LTBP3: variants seen among roughly 807,000 people sequenced by gnomAD.
LTBP3 encodes the protein latent transforming growth factor beta binding protein 3.
A neutral mutation model predicts 159.7 loss-of-function variants in LTBP3; 97 were observed. The ratio of observed to expected loss-of-function variants is 0.61; its 90% CI spans 0.52 to 0.72. LTBP3 has a LOEUF of 0.72. Among genes scored for constraint, LTBP3 ranks in the 30% least tolerant of loss-of-function variants. The probability of loss-of-function intolerance (pLI) is 0.00; values close to 1 mark genes in which losing one functional copy is unlikely to be tolerated. For missense variants in LTBP3, 1,584 were observed against 1,864.3 expected, an observed-to-expected ratio of 0.85 and a Z score of 2.77; for synonymous variants, 824 against 777.1, an observed-to-expected ratio of 1.06 and a Z score of -1.00.
chr11:65,552,512 C>T lies in LTBP3; in HGVS notation c.1187-106G>A. On this transcript the variant is annotated intron_variant, in intron 6 of 27. Transcript: ENST00000301873. This position sits in a 1 kb window ranked among gnomAD's most constrained non-coding sequence, Gnocchi z 6.0. ...CTCTCCGGCCCAGACAACCCTTGATCCCCCATGTGGTCTCTGACCCCATAT... is the reference window on the plus strand; with the variant it reads ...CTCTCCGGCCCAGACAACCCTTGATTCCCCATGTGGTCTCTGACCCCATAT... 2 of 1,414,914 alleles carry T rather than the reference C, an allele frequency of 1.4e-6. No individual in the cohort carries two copies. The highest frequency in any genetic ancestry group is 1.9e-6 in the Non-Finnish European group (2 of 1,029,940). The allele number at this position is 1,414,914 out of a possible 1,614,324, so 87.6% of individuals were successfully genotyped here.
At position 65,538,885 on chromosome 11, in the gene LTBP3, G is replaced by C. The variant is rs11545201; in HGVS notation, c.*195C>G. On this transcript the variant is annotated 3_prime_UTR_variant, in exon 28 of 28. Transcript: ENST00000301873. ...TCTGGGAGGAAGGCAGGCAGCGCCC[G>C]CCGGAGACCTTACAACCGCCCGCTA... The C allele has an allele frequency of 3.7e-6, 4 of 1,074,322 alleles. No individual in the cohort carries two copies. The highest frequency in any genetic ancestry group is 4.9e-6 in the Non-Finnish European group (4 of 809,210). The allele number at this position is 1,074,322 out of a possible 1,614,324, so 66.5% of individuals were successfully genotyped here. A position where few individuals can be genotyped will look rare whatever the true frequency, so the allele number is the denominator to read the frequency against.
At chr11:65,550,760 G>A (rs1165823681) in intron 11 of LTBP3, among the ~76,000 whole-genome samples, 1 of 151,398 alleles carries the variant, frequency 6.6e-6, no homozygotes, top group Non-Finnish European at 1.5e-5. Context: ...GGAGGCGGAG[G>A]CTGCGGTGAG....
In LTBP3 at chr11:65,538,637, AGCCCGGCCG is replaced by A; in HGVS notation, c.*434_*442del. The A allele has an allele frequency of 6.6e-7, 1 of 1,517,618 alleles. No individual in the cohort carries two copies. Among genetic ancestry groups the A allele is most frequent in the South Asian group, 1.2e-5 (1 of 80,024 alleles). The allele number at this position is 1,517,618 out of a possible 1,614,324, so 94.0% of individuals were successfully genotyped here. A position where few individuals can be genotyped will look rare whatever the true frequency, so the allele number is the denominator to read the frequency against. On this transcript the variant is annotated 3_prime_UTR_variant, in exon 28 of 28. Transcript: ENST00000301873. Reference sequence around the variant, plus strand: ...ATGTATTTATTGTACAAACCATGTGAGCCCGGCCGGCCCAGCCAGGCCATCTCACGTGTA... The same window carrying A: ...ATGTATTTATTGTACAAACCATGTGAGCCCAGCCAGGCCATCTCACGTGTA...
chr11:65,541,828 GGTTT>G, intron 18 of LTBP3, 100 bp from the exon 19 acceptor site: 3 of 1,418,066 alleles, frequency 2.1e-6, no homozygotes, highest in Non-Finnish European at 2.9e-6. Flanking sequence ...TTTCCACTTT[GGTTT>G]CAAAGTATGT....
chr11:65,556,679 C>T (rs1010084896), intron 1 of LTBP3, among the ~76,000 whole-genome samples: 5 of 152,256 alleles, frequency 3.3e-5, no homozygotes, highest in African/African-American at 7.2e-5. Flanking sequence ...CACAGACACA[C>T]GCACGCACAC....
intron 18 of LTBP3, chr11:65,541,963 G>A (rs2135127106): frequency 1.9e-6 from 1 of 513,750 alleles, no homozygotes; most frequent in Admixed American, 3.0e-5. Flanking sequence ...AGTATCAGAA[G>A]CCCAAATGGA....
Position 65,543,166 on chromosome 11 carries a change from A to T in LTBP3, c.2535T>A (p.Asn845Lys). ...ACIGGDCINT[N>K]GSYRCLCPQG... ...GGGGGCAAAGACATCTGTAGGAGCCATTGGTATTGATGCAGTCACCCCCAA... is the reference window on the plus strand; with the variant it reads ...GGGGGCAAAGACATCTGTAGGAGCCTTTGGTATTGATGCAGTCACCCCCAA... The change falls in exon 18 of 28, where the codon AAT becomes AAA. Residue 845 changes from asparagine (N) to lysine (K), a missense_variant. By Grantham distance (94) the Asn-to-Lys change is moderately conservative (BLOSUM62 0). Transcript: ENST00000301873. The T allele has an allele frequency of 6.2e-7, 1 of 1,614,150 alleles. No homozygotes were observed. The highest frequency in any genetic ancestry group is 8.5e-7 in the Non-Finnish European group (1 of 1,180,000).
chr11:65,542,768 A>C (rs944805439), intron 18 of LTBP3: 1 of 358,512 alleles, frequency 2.8e-6, no homozygotes, highest in Admixed American at 4.0e-5. Context: ...ATACATTAAT[A>C]TCTGTAAAGA....
In LTBP3 at chr11:65,538,645, C is replaced by A. The variant is rs1284587171; in HGVS notation, c.*435G>T. 6.7e-7 allele frequency: 1 copy of A among 1,488,076 alleles called. No homozygotes were observed. The highest frequency in any genetic ancestry group is 9.0e-7 in the Non-Finnish European group (1 of 1,109,638). 92.2% of individuals were successfully genotyped at this position (1,488,076 alleles called of 1,614,324 possible). ...ATTGTACAAACCATGTGAGCCCGGC[C>A]GGCCCAGCCAGGCCATCTCACGTGT... is the stretch of plus-strand genomic sequence containing the variant. On this transcript the variant is annotated 3_prime_UTR_variant, in exon 28 of 28. Coordinates refer to ENST00000301873, the MANE Select transcript of LTBP3 (RefSeq NM_001130144.3).
intron 18 of LTBP3, chr11:65,542,738 T>G: frequency 6.0e-6 from 2 of 333,500 alleles, no homozygotes; most frequent in East Asian, 8.2e-5. Flanking sequence ...TGTGTATGGG[T>G]GAGTTGATGG....
chr11:65,542,778 A>G (rs1308785942), intron 18 of LTBP3: 7 of 371,774 alleles, frequency 1.9e-5, no homozygotes, highest in Non-Finnish European at 3.7e-5. Flanking sequence ...ATCTGTAAAG[A>G]GCTTAACAGA....
In LTBP3 at chr11:65,558,161, TTC is replaced by T; in HGVS notation, c.-204_-203del. ...ACTGGACAGCGGGGAGCGCAGAAAC[TTC>T]CCAGCCCCAGGACGAAGCCCAGACC... On this transcript the variant is annotated 5_prime_UTR_variant, in exon 1 of 28. Coordinates refer to ENST00000301873, the MANE Select transcript of LTBP3 (RefSeq NM_001130144.3). 9.4e-7 allele frequency: 1 copy of T among 1,067,860 alleles called. No individual in the cohort carries two copies. 66.1% of individuals were successfully genotyped at this position (1,067,860 alleles called of 1,614,324 possible).
At chr11:65,540,638 G>A in intron 21 of LTBP3, 24 bp from the exon 22 acceptor site, 9 of 1,596,226 alleles carry the variant, frequency 5.6e-6, no homozygotes, top group Non-Finnish European at 7.7e-6. Flanking sequence ...AACACTGGCC[G>A]CTCCGGTCCC....
In LTBP3 at chr11:65,541,437, G is replaced by A. The variant is rs1856132998; in HGVS notation, c.2726-144C>T. ...GAGTTGGCTCTGTTCTCAACGTGGT[G>A]TTCTGGACCCTTCATCGTCTGGCCC... On this transcript the variant is annotated intron_variant, in intron 19 of 27. Coordinates refer to ENST00000301873, the MANE Select transcript of LTBP3 (RefSeq NM_001130144.3). The A allele has an allele frequency of 2.8e-6, 4 of 1,415,764 alleles. No individual in the cohort carries two copies. The Admixed American group carries it at 7.0e-5, about 25-fold the overall frequency. The allele number at this position is 1,415,764 out of a possible 1,614,324, so 87.7% of individuals were successfully genotyped here.
chr11:65,541,857 G>T, intron 18 of LTBP3, 129 bp from the exon 19 acceptor site: 1 of 1,072,944 alleles, frequency 9.3e-7, no homozygotes, highest in Non-Finnish European at 1.4e-6. Flanking sequence ...CAGGAAGTCT[G>T]CTGTGTCTGT....
At position 65,553,013 on chromosome 11, in the gene LTBP3, T is replaced by G; in HGVS notation, c.1064-31A>C. 1 of 1,613,992 alleles carries G rather than the reference T, an allele frequency of 6.2e-7. No individual in the cohort carries two copies. Among genetic ancestry groups the G allele is most frequent in the Non-Finnish European group, 8.5e-7 (1 of 1,179,892 alleles). ...GTAAGTGGAAGTTTGGCCCCTCTGG[T>G]CTGGGGCCATGGGGTGACAGCAGGC... On this transcript the variant is annotated intron_variant, in intron 5 of 27. Coordinates refer to ENST00000301873, the MANE Select transcript of LTBP3 (RefSeq NM_001130144.3). This position sits in a 1 kb window ranked among gnomAD's most constrained non-coding sequence, Gnocchi z 6.5.
chr11:65,557,663 G>C lies in LTBP3; in HGVS notation c.297C>G (p.Ser99Arg), dbSNP rs1156691899. The C allele has an allele frequency of 6.2e-7, 1 of 1,611,058 alleles. No individual in the cohort carries two copies. Among genetic ancestry groups the C allele is most frequent in the South Asian group, 1.1e-5 (1 of 91,088 alleles). ...AGCCGGAGCCCGTGAGCGTGTCTGT[G>C]CTGTGGCCGTTCTCTCCGATGAGCG... ...NMTLIGENGH[S>R]TDTLTGSGFR... Residue 99 changes from serine (S) to arginine (R), a missense_variant, in exon 1 of 28, where the codon AGC becomes AGG. Around this residue, in one of 6 missense-constraint regions of LTBP3, gnomAD observed 76 missense variants for 133.3 expected, o/e 0.57. Transcript: ENST00000301873.
chr11:65,539,548 C>G lies in LTBP3; in HGVS notation c.3628G>C (p.Asp1210His), dbSNP rs777097028. 1.2e-4 allele frequency: 193 copies of G among 1,612,464 alleles called. 6 individuals carry two copies. In the South Asian group the frequency reaches 1.7e-3, roughly 14 times the overall value. ...SPLLLGKPPR[D>H]EDSSEEDSDE... ...CACCGCCCGACCCGGCAGCACTCAC[C>G]TCTTGGGGGCTTCCCCAACAGCAGG... The change falls in exon 26 of 28, where the codon GAT becomes CAT. Residue 1210 changes from aspartate to histidine, a missense_variant and splice_region_variant. Physicochemically the swap from Asp to His is moderately conservative, Grantham distance 81 (BLOSUM62 -1). This residue lies in a region of LTBP3 where 514 missense variants were observed against 530.3 expected (regional missense o/e 0.97). Transcript: ENST00000301873.
intron 1 of LTBP3, among the ~76,000 whole-genome samples, chr11:65,555,333 A>T (rs1856769298): frequency 6.6e-6 from 1 of 151,656 alleles, no homozygotes; most frequent in Non-Finnish European, 1.5e-5. Flanking sequence ...ACACCCCAGG[A>T]CCCATCTCCC....
Sources: gnomAD v4.1 joint callset for allele counts (sites outside exome capture counted in the v4.1 genomes callset) on GRCh38, gnomAD v4.1.1 for gene constraint, gnomAD v4.1.1 regional missense constraint, Gnocchi (gnomAD v3.1) non-coding constraint, MANE v1.5 for transcripts, NCBI Gene and HGNC (gene_info 2026-07-23, HGNC 2026-07-21) for gene names.